Variants in ZFYVE28 observed in about 807,000 individuals in gnomAD.
The protein encoded by ZFYVE28 is lateral signaling target protein 2 homolog.
In ZFYVE28, 40 loss-of-function variants were observed where a neutral mutation model predicts 82.1. That is an observed-to-expected ratio of 0.49 (90% confidence interval 0.38 to 0.63). The LOEUF (loss-of-function observed/expected upper bound fraction) is 0.63, where lower values mean the gene tolerates loss of function less well. Ranked by LOEUF, ZFYVE28 falls within the 30% of genes least tolerant of loss-of-function variation. ZFYVE28 has a pLI of 0.00. For synonymous variants in ZFYVE28, 612 were observed against 546.1 expected, an observed-to-expected ratio of 1.12 and a Z score of -1.68; for missense variants, 1,321 against 1,242.1, an observed-to-expected ratio of 1.06 and a Z score of -0.96.
rs1722370681 is a variant in ZFYVE28 at position 2,339,319 on chromosome 4, C to T, written c.521+134G>A. ...GCTCTCCAGGGCTTAACCCCACCCA[C>T]AGGCGGCCCTGAACCTGCCTGGCTC... On this transcript the variant is annotated intron_variant, in intron 4 of 12. Transcript: ENST00000290974. This position sits in a 1 kb window ranked among gnomAD's most constrained non-coding sequence, Gnocchi z 5.0. 2.0e-6 allele frequency: 2 copies of T among 980,564 alleles called. No homozygotes were observed. Among genetic ancestry groups the T allele is most frequent in the Non-Finnish European group, 3.0e-6 (2 of 658,976 alleles). 60.7% of individuals were successfully genotyped at this position (980,564 alleles called of 1,614,324 possible).
chr4:2,295,003 A>C (rs1298595207), intron 8 of ZFYVE28, among the ~76,000 whole-genome samples: 1 of 152,226 alleles, frequency 6.6e-6, no homozygotes, highest in Non-Finnish European at 1.5e-5. Context: ...CCTCAGAGAA[A>C]TGCAAATTAA....
chr4:2,346,094 C>T (rs963422710), intron 2 of ZFYVE28, among the ~76,000 whole-genome samples: 1 of 151,424 alleles, frequency 6.6e-6, no homozygotes, highest in South Asian at 2.1e-4. Flanking sequence ...TTTGGGAGGC[C>T]AGGGCGGGTG....
chr4:2,356,206 C>A (rs1236683773), intron 1 of ZFYVE28, among the ~76,000 whole-genome samples: 7 of 152,226 alleles, frequency 4.6e-5, no homozygotes, highest in Non-Finnish European at 1.0e-4. Context: ...CACTGCCCCC[C>A]TGCCTGGGCT....
intron 6 of ZFYVE28, chr4:2,328,804 CTT>C (rs34334027): frequency 0.026 from 5,544 of 213,746 alleles, 6 homozygotes; most frequent in East Asian, 0.064. Context: ...CAACTTTGTT[CTT>C]TTTTTTTTTT....
rs1235432738 is a variant in ZFYVE28 at position 2,418,463 on chromosome 4, C to G, written c.-140G>C. 3 of 616,100 alleles carry G rather than the reference C, an allele frequency of 4.9e-6. No homozygotes were observed. The highest frequency in any genetic ancestry group is 6.2e-6 in the Non-Finnish European group (3 of 483,714). The allele number at this position is 616,100 out of a possible 1,614,324, so 38.2% of individuals were successfully genotyped here. ...CGCAGGGAGGCTGGCTAGCGAAGCC[C>G]GGAGCGCCGAGCGGGCGGCGGGCAG... On this transcript the variant is annotated 5_prime_UTR_variant, in exon 1 of 13. Coordinates refer to ENST00000290974, the MANE Select transcript of ZFYVE28 (RefSeq NM_020972.3). The surrounding 1 kb of genome is among the most constrained non-coding windows in gnomAD (Gnocchi z 4.6).
rs754267408 is a variant in ZFYVE28 at position 2,304,896 on chromosome 4, G to C, written c.1444C>G (p.Leu482Val). The change falls in exon 8 of 13, where the codon CTG becomes GTG. Residue 482 changes from leucine (L) to valine (V), a missense_variant. By Grantham distance (32) the Leu-to-Val change is conservative. Around this residue, in one of 2 missense-constraint regions of ZFYVE28, gnomAD observed 978 missense variants for 833.7 expected, o/e 1.17. Transcript: ENST00000290974. The stretch of plus-strand genomic sequence containing the variant: ...CCGTCCAGGTGCAGCCGCGAGTCCA[G>C]GCAGCTGCAGGAGCTGGTGCCCGCG... ...SLAGTSSCSC[L>V]DSRLHLDGWE... 6.2e-7 allele frequency: 1 copy of C among 1,612,710 alleles called. No individual in the cohort carries two copies. The highest frequency in any genetic ancestry group is 8.5e-7 in the Non-Finnish European group (1 of 1,179,878).
intron 1 of ZFYVE28, among the ~76,000 whole-genome samples, chr4:2,359,533 G>A (rs1578242060): frequency 6.6e-6 from 1 of 152,210 alleles, no homozygotes; most frequent in African/African-American, 2.4e-5. Context: ...ATGGACACAG[G>A]CAGGTAGAGG....
intron 8 of ZFYVE28, among the ~76,000 whole-genome samples, chr4:2,302,099 C>A (rs908489146): frequency 6.6e-6 from 1 of 152,180 alleles, no homozygotes; most frequent in Non-Finnish European, 1.5e-5. Context: ...GAGGTGGGGG[C>A]GAGTGCTTGT....
chr4:2,298,971 G>C (rs1385077152), intron 8 of ZFYVE28, among the ~76,000 whole-genome samples: 1 of 152,204 alleles, frequency 6.6e-6, no homozygotes, highest in African/African-American at 2.4e-5. Context: ...GAGGAGCAGC[G>C]CGCCTCGCAC....
At chr4:2,404,330 G>T (rs1393217659) in intron 1 of ZFYVE28, among the ~76,000 whole-genome samples, 2 of 9,852 alleles carry the variant, frequency 2.0e-4, no homozygotes, top group African/African-American at 2.9e-4. Flanking sequence ...AAAAAAAAAC[G>T]CTGAAGATGG....
In ZFYVE28 at chr4:2,353,937, C is replaced by T. The variant is rs1020531599; in HGVS notation, c.176G>A (p.Cys59Tyr). ...TTCTGCTGCCCCGTGGCTCACCTGA[C>T]AGGAGCGGAACTGGCTGACCAGCAG... ...CTLLVSQFRSCQDNVLNIINQ... is the reference protein window; with the variant it reads ...CTLLVSQFRSYQDNVLNIINQ... Residue 59 changes from cysteine to tyrosine, a missense_variant, in exon 2 of 13, where the codon TGT (cysteine) becomes TAT (tyrosine). This residue lies in a region of ZFYVE28 where 343 missense variants were observed against 408.4 expected (regional missense o/e 0.84). Coordinates refer to ENST00000290974, the MANE Select transcript of ZFYVE28 (RefSeq NM_020972.3). 8 of 1,532,138 alleles carry T rather than the reference C, an allele frequency of 5.2e-6. No individual in the cohort carries two copies. Among genetic ancestry groups the T allele is most frequent in the Non-Finnish European group, 7.0e-6 (8 of 1,136,588 alleles). The allele number at this position is 1,532,138 out of a possible 1,614,324, so 94.9% of individuals were successfully genotyped here. A position where few individuals can be genotyped will look rare whatever the true frequency, so the allele number is the denominator to read the frequency against.
intron 7 of ZFYVE28, among the ~76,000 whole-genome samples, chr4:2,305,867 G>C (rs1716496074): frequency 1.3e-5 from 2 of 152,224 alleles, no homozygotes; most frequent in Non-Finnish European, 2.9e-5. Context: ...ACTCTAAGGA[G>C]TGAAAAAATA....
At chr4:2,361,725 T>C (rs1452785114) in intron 1 of ZFYVE28, among the ~76,000 whole-genome samples, 1 of 152,166 alleles carries the variant, frequency 6.6e-6, no homozygotes. Context: ...CAGGTGTCAC[T>C]AGGACTCTCT....
chr4:2,273,980 G>T, intron 9 of ZFYVE28, 82 bp downstream of exon 9: 1 of 1,500,894 alleles, frequency 6.7e-7, no homozygotes, highest in Non-Finnish European at 9.1e-7. Flanking sequence ...GGGGGAGGTT[G>T]TACACGCCCC....
intron 1 of ZFYVE28, among the ~76,000 whole-genome samples, chr4:2,386,949 C>T (rs1247713200): frequency 1.3e-5 from 2 of 152,238 alleles, no homozygotes; most frequent in African/African-American, 4.8e-5. Context: ...AAAGAAACCC[C>T]GCTGGCCCCC....
chr4:2,334,947 G>C (rs912916714), intron 6 of ZFYVE28, among the ~76,000 whole-genome samples: 5 of 148,564 alleles, frequency 3.4e-5, no homozygotes, highest in Admixed American at 3.4e-4. Context: ...CAGGGGCATG[G>C]GGAATCCCCG....
chr4:2,370,175 G>A (rs1727380422), intron 1 of ZFYVE28, among the ~76,000 whole-genome samples: 1 of 151,996 alleles, frequency 6.6e-6, no homozygotes, highest in Non-Finnish European at 1.5e-5. Context: ...GCACCCCACT[G>A]TGTGCGACTT....
At chr4:2,334,026 C>G (rs1027334999) in intron 6 of ZFYVE28, among the ~76,000 whole-genome samples, 2 of 152,212 alleles carry the variant, frequency 1.3e-5, no homozygotes, top group Non-Finnish European at 2.9e-5. Context: ...TGGGGACACC[C>G]TGCCCTCCAG....
Position 2,304,469 on chromosome 4 carries a change from C to T in ZFYVE28, c.1871G>A (p.Arg624Gln), listed in dbSNP as rs139626221. 1.0e-4 allele frequency: 164 copies of T among 1,613,284 alleles called. No homozygotes were observed. Among genetic ancestry groups the T allele is most frequent in the Non-Finnish European group, 1.3e-4 (155 of 1,179,886 alleles). Residue 624 changes from arginine (R) to glutamine (Q), a missense_variant, in exon 8 of 13, where the codon CGG (arginine) becomes CAG (glutamine). Transcript: ENST00000290974. ...PPPSEDASNG[R>Q]EPKAPTSDKC... is the part of the protein sequence containing the mutation. The stretch of plus-strand genomic sequence containing the variant: ...GTCGGAAGTGGGGGCTTTGGGCTCC[C>T]GCCCGTTGGAGGCATCTTCTGAGGG...
Sources: allele counts gnomAD v4.1 joint callset (sites outside exome capture counted in the v4.1 genomes callset), GRCh38; gene constraint gnomAD v4.1.1; regional missense constraint gnomAD v4.1.1; non-coding constraint Gnocchi (gnomAD v3.1); transcripts MANE v1.5; gene names NCBI Gene and HGNC (gene_info 2026-07-23, HGNC 2026-07-21).